The following FRK variants were observed in gnomAD, a reference collection of about 807,000 sequenced individuals.
FRK encodes the protein tyrosine-protein kinase FRK.
Under a neutral mutation model 56.4 loss-of-function variants are expected in FRK, and 51 were observed. The observed-to-expected ratio is 0.90, with a 90% CI of 0.72 to 1.14. The LOEUF (loss-of-function observed/expected upper bound fraction) is 1.14, where lower values mean the gene tolerates loss of function less well. Ranked by LOEUF, FRK falls within the 50% of genes most tolerant of loss-of-function variation. The pLI is 0.00. For synonymous variants in FRK, 245 were observed against 217.9 expected (o/e 1.12, Z -1.10); for missense variants, 570 against 601.4 (o/e 0.95, Z 0.55).
Position 116,022,363 on chromosome 6 carries a change from T to C in FRK, c.345-18365A>G, listed in dbSNP as rs75335314. Among the ~76,000 whole-genome samples, 1,191 of 152,196 alleles carry C rather than the reference T, an allele frequency of 7.8e-3. 14 individuals are homozygous for C. Among genetic ancestry groups the C allele is most frequent in the African/African-American group, 0.027 (1,109 of 41,572 alleles). On this transcript the variant is annotated intron_variant, in intron 1 of 7. Transcript: ENST00000606080. The stretch of plus-strand genomic sequence containing the variant: ...GATACCAAAATCATAGAGAATCATC[T>C]TTTTCCAAGAAAAGGAAACTACAGA...
rs1275232904 is a variant in FRK, at chr6:115,994,292, T to A, written c.466+9585A>T. 2.7e-5 allele frequency among the ~76,000 whole-genome samples: 4 copies of A among 149,148 alleles called. No homozygotes were observed. In the South Asian group the frequency reaches 8.6e-4, roughly 32 times the overall value. On this transcript the variant is annotated intron_variant, in intron 2 of 7. Coordinates refer to ENST00000606080, the MANE Select transcript of FRK (RefSeq NM_002031.3). The stretch of plus-strand genomic sequence containing the variant: ...GGGTCCTAGAAGATAAGTTGGGAAA[T>A]TTTGTTATTGGGTATCCAGAATCTC...
the FRK span, among the ~76,000 whole-genome samples, chr6:116,089,049 A>G: frequency 7.2e-5 from 11 of 152,236 alleles, no homozygotes; most frequent in African/African-American, 2.7e-4. Flanking sequence ...AGAGGAAAGG[A>G]CAGACATGAG....
chr6:116,100,704 C>T, the FRK span: 6 of 340,806 alleles, frequency 1.8e-5, no homozygotes, highest in Admixed American at 3.0e-4. Flanking sequence ...AGCTGACTAC[C>T]TGACTCCGGG....
chr6:116,050,192 C>T (rs1201214795), intron 1 of FRK, among the ~76,000 whole-genome samples: 2 of 152,116 alleles, frequency 1.3e-5, no homozygotes, highest in Non-Finnish European at 2.9e-5. Flanking sequence ...AAAACATCAA[C>T]TTCAGACGAG....
intron 2 of FRK, among the ~76,000 whole-genome samples, chr6:115,972,796 C>T (rs1332987669): frequency 6.6e-6 from 1 of 152,144 alleles, no homozygotes; most frequent in Non-Finnish European, 1.5e-5. Flanking sequence ...TTGTTGTAAT[C>T]TTTTAACAGT....
intron 2 of FRK, among the ~76,000 whole-genome samples, chr6:115,992,058 T>C (rs1774634099): frequency 6.6e-6 from 1 of 151,670 alleles, no homozygotes; most frequent in African/African-American, 2.4e-5. Flanking sequence ...CTTCTCTCTC[T>C]CTTTTTGTTT....
chr6:115,958,704 G>GAAAGAAAGAAAGAAGGAAGA (rs5879359), intron 4 of FRK, among the ~76,000 whole-genome samples: 2 of 6,968 alleles, frequency 2.9e-4, no homozygotes, highest in African/African-American at 8.1e-4. Flanking sequence ...AAGAAAGAAA[G>GAAAGAAAGAAAGAAGGAAGA]AAGAAAGAAA....
chr6:116,019,868 T>A (rs569847475), intron 1 of FRK, among the ~76,000 whole-genome samples: 1 of 152,318 alleles, frequency 6.6e-6, no homozygotes, highest in South Asian at 2.1e-4. Flanking sequence ...TCTAAAAATG[T>A]TCCTGTAGAA....
At chr6:115,957,293 G>A (rs904764668) in intron 4 of FRK, among the ~76,000 whole-genome samples, 6 of 152,200 alleles carry the variant, frequency 3.9e-5, no homozygotes, top group Non-Finnish European at 7.3e-5. Context: ...AGACTTGTCT[G>A]CAATTAAATC....
chr6:116,003,315 A>G (rs1195791165), intron 2 of FRK, among the ~76,000 whole-genome samples: 3 of 152,264 alleles, frequency 2.0e-5, no homozygotes, highest in African/African-American at 7.2e-5. Context: ...ACATATATTT[A>G]GGTACCTGTA....
intron 4 of FRK, among the ~76,000 whole-genome samples, 198 bp from the exon 5 acceptor site, chr6:115,956,808 A>G (rs6913570): frequency 0.1 from 15,559 of 152,238 alleles, 942 homozygotes; most frequent in South Asian, 0.15. Flanking sequence ...GTGCATCAGG[A>G]GTATACGGTT....
At chr6:115,961,418 A>G (rs1226362811) in intron 4 of FRK, among the ~76,000 whole-genome samples, 1 of 124,842 alleles carries the variant, frequency 8.0e-6, no homozygotes, top group East Asian at 3.1e-4. Context: ...TCTACGTCTG[A>G]TTGGTGTACC....
At chr6:116,039,846 C>A (rs1217414717) in intron 1 of FRK, among the ~76,000 whole-genome samples, 1 of 151,842 alleles carries the variant, frequency 6.6e-6, no homozygotes, top group Non-Finnish European at 1.5e-5. Flanking sequence ...AGATCCTCCC[C>A]TCGGAAGCCA....
rs1772056419 is a variant in FRK at position 115,936,746 on chromosome 6, A to T, written c.*5668T>A. 1 of 152,266 alleles carries T rather than the reference A, an allele frequency of 6.6e-6. No homozygotes were observed. Among genetic ancestry groups the T allele is most frequent in the Admixed American group, 6.5e-5 (1 of 15,282 alleles). The allele number at this position is 152,266 out of a possible 1,614,324, so 9.4% of individuals were successfully genotyped here. ...ATATCAAAGATTGAAGATCAACTTA[A>T]TGAAATAAAGGAGAAGACAAGATTA... On this transcript the variant is annotated 3_prime_UTR_variant, in exon 8 of 8. Coordinates refer to ENST00000606080, the MANE Select transcript of FRK (RefSeq NM_002031.3).
the FRK span, among the ~76,000 whole-genome samples, chr6:116,097,045 TC>T: frequency 1.3e-5 from 2 of 152,186 alleles, no homozygotes; most frequent in South Asian, 4.1e-4. Context: ...TAAGTAGGCT[TC>T]TTCTTCTTGT....
At chr6:115,969,578 G>C (rs1186781510) in intron 2 of FRK, among the ~76,000 whole-genome samples, 1 of 152,120 alleles carries the variant, frequency 6.6e-6, no homozygotes, top group Non-Finnish European at 1.5e-5. Flanking sequence ...TAGCCACCTG[G>C]AGCCGAAGAA....
At chr6:115,999,577 T>C (rs1013099720) in intron 2 of FRK, among the ~76,000 whole-genome samples, 1 of 152,186 alleles carries the variant, frequency 6.6e-6, no homozygotes, top group Admixed American at 6.5e-5. Context: ...ATAAAGACAA[T>C]ACTTCTAAGG....
At chr6:116,071,390 C>A in the FRK span, among the ~76,000 whole-genome samples, 3 of 152,062 alleles carry the variant, frequency 2.0e-5, no homozygotes, top group Non-Finnish European at 4.4e-5. Flanking sequence ...AGAAAATATA[C>A]GAATTGAGTT....
chr6:116,094,596 C>A, the FRK span, among the ~76,000 whole-genome samples: 6 of 152,328 alleles, frequency 3.9e-5, no homozygotes, highest in East Asian at 1.2e-3. Flanking sequence ...TTAAATATCA[C>A]AAGGAAACCA....
Sources: allele counts gnomAD v4.1 joint callset (sites outside exome capture counted in the v4.1 genomes callset), GRCh38; gene constraint gnomAD v4.1.1; transcripts MANE v1.5; gene names NCBI Gene and HGNC (gene_info 2026-07-23, HGNC 2026-07-21).